CDC25A: variants seen among roughly 807,000 people sequenced by gnomAD.
CDC25A encodes the protein M-phase inducer phosphatase 1.
A neutral mutation model predicts 64.6 loss-of-function variants in CDC25A; 17 were observed. That is an observed-to-expected ratio of 0.26 (90% CI 0.18 to 0.39). CDC25A has a LOEUF of 0.39. CDC25A is among the 10% of genes least tolerant of loss of function. CDC25A has a pLI of 1.00. For synonymous variants in CDC25A, 229 were observed against 238.6 expected (o/e 0.96, Z 0.37); for missense variants, 473 against 654.8 (o/e 0.72, Z 3.03).
At chr3:48,164,753 CAG>C (rs1478597886) in intron 12 of CDC25A, among the ~76,000 whole-genome samples, 1 of 152,096 alleles carries the variant, frequency 6.6e-6, no homozygotes, top group Non-Finnish European at 1.5e-5. Flanking sequence ...CAATGGCAAA[CAG>C]TAACATCGTA....
intron 6 of CDC25A, 93 bp from the exon 7 acceptor site, chr3:48,178,081 A>C: frequency 7.8e-7 from 1 of 1,287,130 alleles, no homozygotes; most frequent in Non-Finnish European, 1.1e-6. Flanking sequence ...AAAACATACT[A>C]TGTTATACTT....
chr3:48,177,925 A>T lies in CDC25A; in HGVS notation c.613T>A (p.Ser205Thr). The change falls in exon 7 of 15, where the codon TCA (serine) becomes ACA (threonine). Residue 205 changes from serine to threonine, a missense_variant. By Grantham distance (58) the Ser-to-Thr change is moderately conservative. Coordinates refer to ENST00000302506, the MANE Select transcript of CDC25A (RefSeq NM_001789.3). ...GNFIPLFTPQ[S>T]PVTATLSDED... is the part of the protein sequence containing the mutation. The stretch of plus-strand genomic sequence containing the variant: ...TCAGACAAAGTGGCTGTCACAGGTG[A>T]CTGGGGTGTAAAAAGAGGAATGAAA... 6.2e-7 allele frequency: 1 copy of T among 1,613,916 alleles called. No individual in the cohort carries two copies. The highest frequency in any genetic ancestry group is 8.5e-7 in the Non-Finnish European group (1 of 1,179,882).
chr3:48,173,501 T>C (rs935413659), intron 9 of CDC25A, among the ~76,000 whole-genome samples: 2 of 152,178 alleles, frequency 1.3e-5, no homozygotes, highest in Non-Finnish European at 2.9e-5. Context: ...GGATGGCCTA[T>C]TGAGGCAGAA....
intron 9 of CDC25A, among the ~76,000 whole-genome samples, chr3:48,168,360 CCACACACACA>C (rs58104019): frequency 1.4e-3 from 153 of 106,604 alleles, no homozygotes; most frequent in Admixed American, 2.7e-3. Context: ...AAGACCCTGT[CCACACACACA>C]CACACACACA....
chr3:48,181,699 A>G, intron 5 of CDC25A: 2 of 886,330 alleles, frequency 2.3e-6, no homozygotes, highest in South Asian at 2.6e-5. Context: ...GGGTATTGCG[A>G]CCCAATAAAG....
intron 6 of CDC25A, 96 bp downstream of exon 6, chr3:48,180,625 C>A: frequency 7.9e-7 from 1 of 1,262,566 alleles, no homozygotes. Flanking sequence ...GTAAAAACAG[C>A]TAGTGCTACT....
chr3:48,178,027 G>A lies in CDC25A; in HGVS notation c.550-39C>T, dbSNP rs1160333871. On this transcript the variant is annotated intron_variant, in intron 6 of 14. Coordinates refer to ENST00000302506, the MANE Select transcript of CDC25A (RefSeq NM_001789.3). ...TTCATGGATTAATAATGAGAGCTCT[G>A]ATCCACTTTCATTTCCTTGAATGGG... 4 of 1,567,932 alleles carry A rather than the reference G, an allele frequency of 2.6e-6. No individual in the cohort carries two copies. In the African/African-American group the frequency reaches 5.5e-5, roughly 21 times the overall value.
At chr3:48,186,452 C>T (rs542642225) in intron 2 of CDC25A, among the ~76,000 whole-genome samples, 81 of 152,010 alleles carry the variant, frequency 5.3e-4, no homozygotes, top group African/African-American at 1.8e-3. Context: ...GCCTGTAATC[C>T]CAGCTACTCG....
intron 9 of CDC25A, among the ~76,000 whole-genome samples, chr3:48,172,819 A>G (rs558905781): frequency 1.3e-5 from 2 of 152,220 alleles, no homozygotes; most frequent in South Asian, 4.2e-4. Context: ...AGCGGAGATC[A>G]TGCCACTGCA....
rs1018803185 is a variant in CDC25A, at chr3:48,158,010, C to G, written c.*935G>C. ...TGTGGAGCCCACCTACCCCCACCCC[C>G]CTTCCCTGGGAAACCTACACTGCAA... On this transcript the variant is annotated 3_prime_UTR_variant, in exon 15 of 15. Transcript: ENST00000302506. The G allele has an allele frequency of 2.0e-5, 3 of 152,488 alleles. No homozygotes were observed. Among genetic ancestry groups the G allele is most frequent in the African/African-American group, 4.8e-5 (2 of 41,426 alleles). 9.4% of individuals were successfully genotyped at this position (152,488 alleles called of 1,614,324 possible).
chr3:48,178,606 T>C (rs2032552727), intron 6 of CDC25A, among the ~76,000 whole-genome samples: 1 of 152,212 alleles, frequency 6.6e-6, no homozygotes, highest in Admixed American at 6.5e-5. Context: ...TCCTTTCCTT[T>C]TTCTTTAGCA....
At chr3:48,180,867 T>C (rs778275944) in intron 5 of CDC25A, 27 bp from the exon 6 acceptor site, 3 of 1,612,120 alleles carry the variant, frequency 1.9e-6, no homozygotes, top group Non-Finnish European at 2.5e-6. Context: ...AGACATCTAC[T>C]GTCCATGAAA....
Position 48,158,225 on chromosome 3 carries a change from G to A in CDC25A, c.*720C>T, listed in dbSNP as rs959619837. ...GCTTATGTCAGGCAGCCAAGCCTGG[G>A]TCCAACGCTCTCACCAGGACCTCAG... is the stretch of plus-strand genomic sequence containing the variant. On this transcript the variant is annotated 3_prime_UTR_variant, in exon 15 of 15. Coordinates refer to ENST00000302506, the MANE Select transcript of CDC25A (RefSeq NM_001789.3). 1.3e-5 allele frequency: 2 copies of A among 152,604 alleles called. No homozygotes were observed. Among genetic ancestry groups the A allele is most frequent in the African/African-American group, 4.8e-5 (2 of 41,434 alleles). 9.5% of individuals were successfully genotyped at this position (152,604 alleles called of 1,614,324 possible). A position where few individuals can be genotyped will look rare whatever the true frequency, so the allele number is the denominator to read the frequency against.
In CDC25A at chr3:48,157,481, GGA is replaced by G. The variant is rs1196070528; in HGVS notation, c.*1462_*1463del. 3 of 152,576 alleles carry G rather than the reference GGA, an allele frequency of 2.0e-5. No homozygotes were observed. Among genetic ancestry groups the G allele is most frequent in the Non-Finnish European group, 4.4e-5 (3 of 68,046 alleles). The allele number at this position is 152,576 out of a possible 1,614,324, so 9.5% of individuals were successfully genotyped here. On this transcript the variant is annotated 3_prime_UTR_variant, in exon 15 of 15. Transcript: ENST00000302506. ...CACCCCAAGAAGTTGAGGTAAGAGG[GGA>G]GAGACTGTCTCCTGTTTAAGAAAAA...
At chr3:48,159,314 G>A (rs754014874) in intron 14 of CDC25A, 30 bp downstream of exon 14, 3 of 1,498,632 alleles carry the variant, frequency 2.0e-6, no homozygotes, top group Admixed American at 3.3e-5. Context: ...GGCAGGGGAG[G>A]AGAGATGCTC....
At position 48,174,530 on chromosome 3, in the gene CDC25A, C is replaced by T. The variant is rs1389016337; in HGVS notation, c.757-73G>A. ...CACTTGAATGGTAAGACAAATAAAC[C>T]GAAGGTTTCCTGGGATGATCTAAGA... On this transcript the variant is annotated intron_variant, in intron 8 of 14. Coordinates refer to ENST00000302506, the MANE Select transcript of CDC25A (RefSeq NM_001789.3). The T allele has an allele frequency of 1.0e-5, 15 of 1,430,646 alleles. No homozygotes were observed. The Middle Eastern group carries it at 7.3e-4, about 69-fold the overall frequency. 88.6% of individuals were successfully genotyped at this position (1,430,646 alleles called of 1,614,324 possible).
At chr3:48,165,949 T>G in intron 10 of CDC25A, 56 bp from the exon 11 acceptor site, 1 of 1,177,648 alleles carries the variant, frequency 8.5e-7, no homozygotes, top group South Asian at 1.3e-5. Flanking sequence ...TTATTCACAC[T>G]TATACTGTTT....
Position 48,176,638 on chromosome 3 carries a change from AAAAAC to A in CDC25A, c.756+728_756+732del, listed in dbSNP as rs201491367. 1.1e-3 allele frequency among the ~76,000 whole-genome samples: 169 copies of A among 150,242 alleles called. 2 individuals carry two copies. The highest frequency in any genetic ancestry group is 3.5e-3 in the African/African-American group (142 of 40,794). ...CAGCCTCAGGTAGGTATTTTCAATG[AAAAAC>A]AAAACAAAACAAAACAAACAAACAA... On this transcript the variant is annotated intron_variant, in intron 8 of 14. Coordinates refer to ENST00000302506, the MANE Select transcript of CDC25A (RefSeq NM_001789.3).
intron 13 of CDC25A, 109 bp downstream of exon 13, chr3:48,164,198 G>T: frequency 9.7e-7 from 1 of 1,032,876 alleles, no homozygotes; most frequent in Non-Finnish European, 1.4e-6. Context: ...ATGTGCCAGA[G>T]GTTGCTTGAT....
Sources: allele counts gnomAD v4.1 joint callset (sites outside exome capture counted in the v4.1 genomes callset), GRCh38; gene constraint gnomAD v4.1.1; transcripts MANE v1.5; gene names NCBI Gene and HGNC (gene_info 2026-07-23, HGNC 2026-07-21).